KSR1: variants seen among roughly 807,000 people sequenced by gnomAD.
KSR1 encodes the protein kinase suppressor of ras.
A neutral mutation model predicts 92.9 loss-of-function variants in KSR1; 35 were observed. That is an observed-to-expected ratio of 0.38 (90% CI 0.29 to 0.50). The LOEUF (loss-of-function observed/expected upper bound fraction) is 0.50, where lower values mean the gene tolerates loss of function less well. Ranked by LOEUF, KSR1 falls within the 20% of genes least tolerant of loss-of-function variation. The probability of loss-of-function intolerance (pLI) is 0.94; values close to 1 mark genes in which losing one functional copy is unlikely to be tolerated. For missense variants in KSR1, 972 were observed against 1,158.5 expected (o/e 0.84, Z 2.34); for synonymous variants, 467 against 472.6 (o/e 0.99, Z 0.15).
chr17:27,522,827 C>A (rs1567789469), intron 1 of KSR1, among the ~76,000 whole-genome samples: 1 of 152,328 alleles, frequency 6.6e-6, no homozygotes, highest in Admixed American at 6.5e-5. Flanking sequence ...AGCTAGGTTG[C>A]TTTTTGCAGG....
chr17:27,517,756 C>T (rs948445084), intron 1 of KSR1, among the ~76,000 whole-genome samples: 1 of 152,190 alleles, frequency 6.6e-6, no homozygotes, highest in African/African-American at 2.4e-5. Context: ...AGAATCCACC[C>T]TTGGCCCACT....
intron 2 of KSR1, among the ~76,000 whole-genome samples, chr17:27,573,566 G>A (rs1244155593): frequency 2.6e-5 from 4 of 152,242 alleles, no homozygotes; most frequent in Non-Finnish European, 5.9e-5. Context: ...CAAAGGAGCT[G>A]TAACCAATCC....
chr17:27,487,229 G>C (rs754780546), intron 1 of KSR1, among the ~76,000 whole-genome samples: 9 of 152,118 alleles, frequency 5.9e-5, no homozygotes, highest in Non-Finnish European at 1.2e-4. Context: ...GAGGTCAGGA[G>C]TTGGATACCC....
intron 2 of KSR1, among the ~76,000 whole-genome samples, chr17:27,565,459 C>T (rs2072024709): frequency 1.3e-5 from 2 of 152,230 alleles, no homozygotes; most frequent in African/African-American, 4.8e-5. Flanking sequence ...GCATCTCACC[C>T]TGTCACCCAG....
At position 27,624,214 on chromosome 17, in the gene KSR1, A is replaced by G. The variant is rs1054419405; in HGVS notation, c.*822A>G. On this transcript the variant is annotated 3_prime_UTR_variant, in exon 21 of 21. Coordinates refer to ENST00000644974, the MANE Select transcript of KSR1 (RefSeq NM_001394583.1). Reference sequence around the variant, plus strand: ...ACTCAGGGCCTTGGCTTTTAGATACATCCCAGTCCCTGACTGACATCTGAC... The same window carrying G: ...ACTCAGGGCCTTGGCTTTTAGATACGTCCCAGTCCCTGACTGACATCTGAC... 2 of 152,230 alleles carry G rather than the reference A, an allele frequency of 1.3e-5. No homozygotes were observed. The highest frequency in any genetic ancestry group is 2.9e-5 in the Non-Finnish European group (2 of 68,086). 9.4% of individuals were successfully genotyped at this position (152,230 alleles called of 1,614,324 possible). A position where few individuals can be genotyped will look rare whatever the true frequency, so the allele number is the denominator to read the frequency against.
intron 1 of KSR1, among the ~76,000 whole-genome samples, chr17:27,534,168 T>C (rs1191159702): frequency 6.6e-6 from 1 of 152,232 alleles, no homozygotes; most frequent in Non-Finnish European, 1.5e-5. Context: ...TGCCCAGCTC[T>C]TGACCTGAGA....
intron 17 of KSR1, among the ~76,000 whole-genome samples, chr17:27,611,008 G>A (rs1282210233): frequency 2.0e-5 from 3 of 152,136 alleles, no homozygotes; most frequent in Admixed American, 2.0e-4. Flanking sequence ...TCACCACCCC[G>A]GTCACCTGTG....
chr17:27,599,958 T>A (rs989959790), intron 10 of KSR1, among the ~76,000 whole-genome samples: 27 of 152,142 alleles, frequency 1.8e-4, no homozygotes, highest in African/African-American at 6.5e-4. Flanking sequence ...ATCACTGTCT[T>A]CCACCTCCAC....
rs375107223 is a variant in KSR1, at chr17:27,513,833, G to A, written c.232-36735G>A. ...GGGTGTAGGGCTGTGTTGGGGCACA[G>A]CCTGCTCATCACACAGGTCCTCCAG... On this transcript the variant is annotated intron_variant, in intron 1 of 20. Transcript: ENST00000644974. Among the ~76,000 whole-genome samples, 15 of 152,318 alleles carry A rather than the reference G, an allele frequency of 9.8e-5. No individual in the cohort carries two copies. In the East Asian group the frequency reaches 2.3e-3, roughly 24 times the overall value.
chr17:27,595,083 G>A (rs2073295824), intron 9 of KSR1, among the ~76,000 whole-genome samples: 1 of 152,156 alleles, frequency 6.6e-6, no homozygotes. Flanking sequence ...GATTCCAGAG[G>A]TCACTGTGTA....
intron 1 of KSR1, among the ~76,000 whole-genome samples, chr17:27,510,786 A>G (rs1018292046): frequency 6.6e-6 from 1 of 152,196 alleles, no homozygotes; most frequent in Non-Finnish European, 1.5e-5. Flanking sequence ...TTAAAAGTGT[A>G]CAGATAACCA....
At chr17:27,607,683 C>T (rs2073797329) in intron 14 of KSR1, among the ~76,000 whole-genome samples, 1 of 152,128 alleles carries the variant, frequency 6.6e-6, no homozygotes, top group African/African-American at 2.4e-5. Context: ...CACTGGCTCT[C>T]AGGGAATGGG....
At chr17:27,484,875 C>A (rs118052923) in intron 1 of KSR1, among the ~76,000 whole-genome samples, 2,093 of 152,330 alleles carry the variant, frequency 0.014, 23 homozygotes, top group Non-Finnish European at 0.02. Flanking sequence ...GGGAGTGGTA[C>A]ATCAAATCTG....
chr17:27,497,431 A>G (rs1281599143), intron 1 of KSR1, among the ~76,000 whole-genome samples: 3 of 152,224 alleles, frequency 2.0e-5, no homozygotes, highest in Non-Finnish European at 1.5e-5. Context: ...TGTAAACCCC[A>G]TAATGAAGAA....
intron 1 of KSR1, among the ~76,000 whole-genome samples, chr17:27,490,007 T>A (rs1173421973): frequency 1.3e-5 from 2 of 152,222 alleles, no homozygotes; most frequent in Non-Finnish European, 2.9e-5. Context: ...TGTGTGTGCA[T>A]GTGTGTATAC....
chr17:27,506,618 C>T (rs1206050712), intron 1 of KSR1, among the ~76,000 whole-genome samples: 1 of 152,138 alleles, frequency 6.6e-6, no homozygotes, highest in African/African-American at 2.4e-5. Flanking sequence ...CTTCCCTTTG[C>T]AGTTGGTAAC....
chr17:27,556,630 C>T (rs1199191564), intron 2 of KSR1, among the ~76,000 whole-genome samples: 1 of 152,190 alleles, frequency 6.6e-6, no homozygotes. Context: ...GTTAAGACCC[C>T]CAGCTCATCC....
intron 4 of KSR1, 77 bp downstream of exon 4, chr17:27,583,182 T>C (rs931934467): frequency 2.0e-6 from 2 of 1,015,912 alleles, no homozygotes; most frequent in African/African-American, 1.6e-5. Flanking sequence ...GAAGGACCAA[T>C]AAAATCAACC....
At chr17:27,467,293 A>G (rs1338076613) in intron 1 of KSR1, among the ~76,000 whole-genome samples, 1 of 152,230 alleles carries the variant, frequency 6.6e-6, no homozygotes, top group Non-Finnish European at 1.5e-5. Context: ...GCCTTTGTCT[A>G]GGCTCTGGGG....
Sources: gnomAD v4.1 joint callset for allele counts (sites outside exome capture counted in the v4.1 genomes callset) on GRCh38, gnomAD v4.1.1 for gene constraint, MANE v1.5 for transcripts, NCBI Gene and HGNC (gene_info 2026-07-23, HGNC 2026-07-21) for gene names.